Variants in TULP4 observed in about 807,000 individuals in gnomAD.
TULP4 encodes tubby-related protein 4.
TULP4 carries 16 observed loss-of-function variants against 129.0 expected under a neutral mutation model. The observed-to-expected ratio is 0.12, with a 90% confidence interval of 0.08 to 0.19. The LOEUF (loss-of-function observed/expected upper bound fraction) is 0.19. Ranked by LOEUF, TULP4 falls within the 10% of genes least tolerant of loss-of-function variation. TULP4 has a pLI of 1.00. For synonymous variants in TULP4, 998 were observed against 854.0 expected, an observed-to-expected ratio of 1.17 and a Z score of -2.94; for missense variants, 1,842 against 2,059.1, an observed-to-expected ratio of 0.89 and a Z score of 2.04.
At chr6:158,353,562 T>C (rs1321301497) in intron 1 of TULP4, among the ~76,000 whole-genome samples, 1 of 152,192 alleles carries the variant, frequency 6.6e-6, no homozygotes, top group East Asian at 1.9e-4. Context: ...AAATTCTCAG[T>C]GTGTTCTTTT....
At chr6:158,356,774 A>G (rs757027420) in intron 1 of TULP4, among the ~76,000 whole-genome samples, 33 of 152,110 alleles carry the variant, frequency 2.2e-4, no homozygotes, top group Admixed American at 6.5e-5. Flanking sequence ...GGTAGATGCC[A>G]AGGTGATGAA....
intron 1 of TULP4, among the ~76,000 whole-genome samples, chr6:158,250,256 C>A (rs988736306): frequency 6.6e-6 from 1 of 151,786 alleles, no homozygotes; most frequent in African/African-American, 2.4e-5. Context: ...CTCCCGAGTT[C>A]AAGCGATTAT....
intron 1 of TULP4, among the ~76,000 whole-genome samples, chr6:158,283,152 CAAAA>C (rs1211803615): frequency 7.0e-6 from 1 of 142,960 alleles, no homozygotes; most frequent in African/African-American, 2.6e-5. Flanking sequence ...AAAAAAAAAA[CAAAA>C]AAAAACCCTA....
rs1221029501 is a variant in TULP4 at position 158,502,943 on chromosome 6, C to G, written c.3280C>G (p.Leu1094Val). ...VNSAFTEDEA[L>V]SQHCQLEKPL... ...CTCGGCCTTCACGGAGGACGAGGCCCTGTCCCAGCACTGTCAGCTTGAGAA... is the reference window on the plus strand; with the variant it reads ...CTCGGCCTTCACGGAGGACGAGGCCGTGTCCCAGCACTGTCAGCTTGAGAA... The change falls in exon 13 of 14, where the codon CTG becomes GTG. Residue 1094 changes from leucine to valine, a missense_variant. Physicochemically the swap from Leu to Val is conservative, Grantham distance 32. This residue lies in a region of TULP4 where 1,089 missense variants were observed against 987.1 expected (regional missense o/e 1.10). Transcript: ENST00000367097. 1.9e-6 allele frequency: 3 copies of G among 1,613,934 alleles called. No homozygotes were observed. Among genetic ancestry groups the G allele is most frequent in the Admixed American group, 1.7e-5 (1 of 60,008 alleles).
chr6:158,466,103 T>C lies in TULP4; in HGVS notation c.1026+4374T>C, dbSNP rs1162212788. Among the ~76,000 whole-genome samples the C allele has an allele frequency of 2.0e-5, 3 of 152,178 alleles. No homozygotes were observed. In the East Asian group the frequency reaches 5.8e-4, roughly 29 times the overall value. The stretch of plus-strand genomic sequence containing the variant: ...CATCAAGAGCCTTTTGTCAGTCTTA[T>C]GATCTCTATTTTAACATTTACTCAG... On this transcript the variant is annotated intron_variant, in intron 6 of 13. Coordinates refer to ENST00000367097, the MANE Select transcript of TULP4 (RefSeq NM_020245.5).
Position 158,507,671 on chromosome 6 carries a change from T to C in TULP4, c.*977T>C, listed in dbSNP as rs566145082. On this transcript the variant is annotated 3_prime_UTR_variant, in exon 14 of 14. Coordinates refer to ENST00000367097, the MANE Select transcript of TULP4 (RefSeq NM_020245.5). Reference sequence around the variant, plus strand: ...CTACTCTCTCTGCCCCTTTTACTTTTTAATCTGGAATGCATTACTGTAAAC... The same window carrying C: ...CTACTCTCTCTGCCCCTTTTACTTTCTAATCTGGAATGCATTACTGTAAAC... 1.3e-5 allele frequency: 2 copies of C among 152,372 alleles called. No homozygotes were observed. The highest frequency in any genetic ancestry group is 2.9e-5 in the Non-Finnish European group (2 of 68,032). The allele number at this position is 152,372 out of a possible 1,614,324, so 9.4% of individuals were successfully genotyped here. A position where few individuals can be genotyped will look rare whatever the true frequency, so the allele number is the denominator to read the frequency against.
At chr6:158,347,611 C>A (rs890647156) in intron 1 of TULP4, among the ~76,000 whole-genome samples, 9 of 152,246 alleles carry the variant, frequency 5.9e-5, no homozygotes, top group African/African-American at 9.6e-5. Flanking sequence ...CTGACTTCAT[C>A]TCCTGCCATC....
Position 158,503,504 on chromosome 6 carries a change from C to T in TULP4, c.3841C>T (p.Pro1281Ser), listed in dbSNP as rs3749852. The T allele has an allele frequency of 1.0e-4, 168 of 1,614,002 alleles. 1 individual carries two copies. The African/African-American group carries it at 1.7e-3, about 17-fold the overall frequency. Residue 1281 changes from proline to serine, a missense_variant, in exon 13 of 14, where the codon CCA (proline) becomes TCA (serine). Coordinates refer to ENST00000367097, the MANE Select transcript of TULP4 (RefSeq NM_020245.5). The surrounding 1 kb of genome is among the most constrained non-coding windows in gnomAD (Gnocchi z 4.3). ...GCAGAACCCCCAGGGCACTCTCCCC[C>T]CAAAGCCACACTTGGTGGTGGAGAA... ...PMQNPQGTLPPKPHLVVEKPL... is the reference protein window; with the variant it reads ...PMQNPQGTLPSKPHLVVEKPL...
At chr6:158,425,289 C>T (rs1008873565) in intron 2 of TULP4, among the ~76,000 whole-genome samples, 2 of 151,422 alleles carry the variant, frequency 1.3e-5, no homozygotes, top group Non-Finnish European at 2.9e-5. Context: ...CGAGGAGGGC[C>T]GATCACCTGA....
chr6:158,309,329 C>G (rs1286461945), upstream of TULP4, among the ~76,000 whole-genome samples: 7 of 136,872 alleles, frequency 5.1e-5, no homozygotes, highest in African/African-American at 8.3e-5. Context: ...CATCTCAGAC[C>G]ATGGGCAGCC....
At chr6:158,309,827 G>T (rs569982922), upstream of TULP4, among the ~76,000 whole-genome samples, 2 of 149,266 alleles carry the variant, frequency 1.3e-5, no homozygotes, top group African/African-American at 2.4e-5. Flanking sequence ...GCAGTGAGCC[G>T]AGATGGCAGA....
At chr6:158,347,971 A>G (rs1262911765) in intron 1 of TULP4, among the ~76,000 whole-genome samples, 1 of 151,184 alleles carries the variant, frequency 6.6e-6, no homozygotes, top group Admixed American at 6.6e-5. Context: ...AAACTCTCCA[A>G]CCTGGGTTTT....
At chr6:158,298,379 T>C (rs1383729324) in intron 1 of TULP4, among the ~76,000 whole-genome samples, 1 of 151,980 alleles carries the variant, frequency 6.6e-6, no homozygotes, top group Non-Finnish European at 1.5e-5. Context: ...CTGATAAATG[T>C]CCATATTAAA....
At chr6:158,391,895 C>G (rs539263236) in intron 1 of TULP4, among the ~76,000 whole-genome samples, 9 of 152,308 alleles carry the variant, frequency 5.9e-5, no homozygotes, top group Admixed American at 5.9e-4. Context: ...CTGGTCTTTT[C>G]TGCTTTGCTC....
At chr6:158,432,972 C>T (rs1337433512) in intron 3 of TULP4, among the ~76,000 whole-genome samples, 1 of 152,172 alleles carries the variant, frequency 6.6e-6, no homozygotes, top group African/African-American at 2.4e-5. Flanking sequence ...ACAGGCACCC[C>T]TAAGAAATTA....
intron 1 of TULP4, among the ~76,000 whole-genome samples, chr6:158,255,690 C>T (rs1308771776): frequency 6.6e-6 from 1 of 152,238 alleles, no homozygotes; most frequent in Admixed American, 6.5e-5. Context: ...AGAGAGAACT[C>T]TGCAGAGCCC....
intron 1 of TULP4, among the ~76,000 whole-genome samples, chr6:158,366,691 A>G (rs911791807): frequency 6.6e-6 from 1 of 152,206 alleles, no homozygotes; most frequent in Non-Finnish European, 1.5e-5. Flanking sequence ...TTCTGTTGGT[A>G]AACATGCCTG....
intron 8 of TULP4, among the ~76,000 whole-genome samples, chr6:158,486,291 A>T (rs181466412): frequency 6.6e-6 from 1 of 152,164 alleles, no homozygotes; most frequent in Non-Finnish European, 1.5e-5. Context: ...GAAGACAAGG[A>T]CTAACTAACG....
chr6:158,495,053 T>A (rs933572002), intron 11 of TULP4, among the ~76,000 whole-genome samples: 1 of 152,218 alleles, frequency 6.6e-6, no homozygotes, highest in Non-Finnish European at 1.5e-5. Context: ...GTGGCATTTT[T>A]TTTTTTTAAA....
Sources: gnomAD v4.1 joint callset for allele counts (sites outside exome capture counted in the v4.1 genomes callset) on GRCh38, gnomAD v4.1.1 for gene constraint, gnomAD v4.1.1 regional missense constraint, Gnocchi (gnomAD v3.1) non-coding constraint, MANE v1.5 for transcripts, NCBI Gene and HGNC (gene_info 2026-07-23, HGNC 2026-07-21) for gene names.